Variants in CADPS2 observed in about 807,000 individuals in gnomAD.
CADPS2 encodes calcium-dependent secretion activator 2.
CADPS2 carries 93 observed loss-of-function variants against 172.5 expected under a neutral mutation model. The ratio of observed to expected loss-of-function variants is 0.54; its 90% CI spans 0.46 to 0.64. The LOEUF is 0.64. CADPS2 is among the 30% of genes least tolerant of loss of function. CADPS2 has a pLI of 0.00. For synonymous variants in CADPS2, 546 were observed against 555.2 expected, an observed-to-expected ratio of 0.98 and a Z score of 0.23; for missense variants, 1,420 against 1,565.9, an observed-to-expected ratio of 0.91 and a Z score of 1.57.
chr7:122,742,549 G>C (rs936087982), intron 1 of CADPS2, among the ~76,000 whole-genome samples: 4 of 152,098 alleles, frequency 2.6e-5, no homozygotes, highest in African/African-American at 9.7e-5. Flanking sequence ...TCTTAGGATA[G>C]TGTGGCCAAC....
At chr7:122,753,971 CCTT>C (rs770071190) in intron 1 of CADPS2, among the ~76,000 whole-genome samples, 1 of 152,046 alleles carries the variant, frequency 6.6e-6, no homozygotes, top group Non-Finnish European at 1.5e-5. Flanking sequence ...CCTCCATAAA[CCTT>C]CTTAATTTTC....
intron 9 of CADPS2, among the ~76,000 whole-genome samples, 178 bp from the exon 10 acceptor site, chr7:122,491,598 C>T (rs536720828): frequency 2.0e-5 from 3 of 152,038 alleles, no homozygotes; most frequent in Non-Finnish European, 4.4e-5. Context: ...TTTCGTTTGT[C>T]AGCTTGCATT....
chr7:122,774,803 T>C (rs896141563), intron 1 of CADPS2, among the ~76,000 whole-genome samples: 1 of 152,170 alleles, frequency 6.6e-6, no homozygotes, highest in Non-Finnish European at 1.5e-5. Flanking sequence ...AGGCCTACAA[T>C]ATATATTTAA....
intron 1 of CADPS2, among the ~76,000 whole-genome samples, chr7:122,788,941 C>T (rs1242062973): frequency 6.6e-6 from 1 of 152,128 alleles, no homozygotes; most frequent in Non-Finnish European, 1.5e-5. Context: ...CTTTTACTAA[C>T]CCTTGATTTC....
At chr7:122,809,955 T>C in intron 1 of CADPS2, among the ~76,000 whole-genome samples, 1 of 152,172 alleles carries the variant, frequency 6.6e-6, no homozygotes, top group Non-Finnish European at 1.5e-5. Flanking sequence ...TACACACATA[T>C]ACACATATGC....
At chr7:122,509,314 G>A (rs1358716309) in intron 9 of CADPS2, among the ~76,000 whole-genome samples, 2 of 152,128 alleles carry the variant, frequency 1.3e-5, no homozygotes, top group African/African-American at 4.8e-5. Flanking sequence ...CTGTGGCATG[G>A]CTGACTGTTT....
intron 21 of CADPS2, 54 bp downstream of exon 21, chr7:122,393,387 T>C (rs2044646497): frequency 1.9e-6 from 3 of 1,613,146 alleles, no homozygotes; most frequent in Non-Finnish European, 1.7e-6. Flanking sequence ...TGTGAAGTCA[T>C]AAGGTCAGGG....
At chr7:122,798,210 G>A (rs1004512838) in intron 1 of CADPS2, among the ~76,000 whole-genome samples, 1 of 151,992 alleles carries the variant, frequency 6.6e-6, no homozygotes, top group Non-Finnish European at 1.5e-5. Flanking sequence ...GAAAAAACAA[G>A]AGAGGAAAAG....
intron 2 of CADPS2, among the ~76,000 whole-genome samples, chr7:122,722,232 G>A (rs911648668): frequency 2.1e-4 from 32 of 152,106 alleles, no homozygotes; most frequent in African/African-American, 7.5e-4. Flanking sequence ...TATTCAATTA[G>A]GAAAAGAGGA....
intron 4 of CADPS2, among the ~76,000 whole-genome samples, chr7:122,627,630 TCCCATAA>T (rs1587948850): frequency 6.6e-6 from 1 of 152,142 alleles, no homozygotes; most frequent in East Asian, 1.9e-4. Context: ...CTTCTTCCAG[TCCCATAA>T]CTCTCTAGAA....
chr7:122,637,810 C>T (rs1175625055), intron 3 of CADPS2, among the ~76,000 whole-genome samples: 1 of 152,210 alleles, frequency 6.6e-6, no homozygotes. Flanking sequence ...TTAACTGTGA[C>T]ATAAGTTGAG....
intron 12 of CADPS2, among the ~76,000 whole-genome samples, chr7:122,476,596 TACAA>T (rs2056645721): frequency 6.6e-6 from 1 of 152,128 alleles, no homozygotes; most frequent in Admixed American, 6.6e-5. Context: ...AAAATTACTT[TACAA>T]ACAATTACCA....
chr7:122,804,497 C>T (rs1038329235), intron 1 of CADPS2, among the ~76,000 whole-genome samples: 2 of 152,094 alleles, frequency 1.3e-5, no homozygotes, highest in African/African-American at 2.4e-5. Flanking sequence ...GACAGAAGAT[C>T]ATTTAATTTA....
chr7:122,508,283 G>C (rs2059755948), intron 9 of CADPS2, among the ~76,000 whole-genome samples: 1 of 151,420 alleles, frequency 6.6e-6, no homozygotes, highest in African/African-American at 2.4e-5. Context: ...TAATATACAA[G>C]AATTATACAT....
chr7:122,643,254 T>C (rs1187534821), intron 3 of CADPS2, among the ~76,000 whole-genome samples: 2 of 152,196 alleles, frequency 1.3e-5, no homozygotes, highest in African/African-American at 2.4e-5. Context: ...TTATTAAGTA[T>C]TAGCAAATTA....
chr7:122,720,655 G>A (rs1396730069), intron 2 of CADPS2, among the ~76,000 whole-genome samples: 1 of 151,562 alleles, frequency 6.6e-6, no homozygotes, highest in Non-Finnish European at 1.5e-5. Flanking sequence ...GAGCGAGAGT[G>A]AGAGCCCGTG....
At chr7:122,665,180 G>T (rs143905258) in intron 2 of CADPS2, among the ~76,000 whole-genome samples, 1 of 151,998 alleles carries the variant, frequency 6.6e-6, no homozygotes, top group Non-Finnish European at 1.5e-5. Context: ...ACACTTCCAC[G>T]CCTGTCTGCA....
rs140125205 is a variant in CADPS2, at chr7:122,423,460, G to C, written c.2477-7296C>G. ...GTAAGAAGACTGCCTCAAAATCTGG[G>C]GGTGAGGTGGTTCCCAAAAGCCAAC... is the stretch of plus-strand genomic sequence containing the variant. On this transcript the variant is annotated intron_variant, in intron 17 of 29. Coordinates refer to ENST00000449022, the MANE Select transcript of CADPS2 (RefSeq NM_017954.11). 2.4e-3 allele frequency among the ~76,000 whole-genome samples: 363 copies of C among 152,258 alleles called. 2 individuals carry two copies. Among genetic ancestry groups the C allele is most frequent in the African/African-American group, 8.4e-3 (347 of 41,530 alleles).
chr7:122,851,924 G>T (rs73224235), intron 1 of CADPS2, among the ~76,000 whole-genome samples: 1 of 152,194 alleles, frequency 6.6e-6, no homozygotes, highest in Non-Finnish European at 1.5e-5. Context: ...ACTATTTAAA[G>T]CATCTTTCAT....
Sources: gnomAD v4.1 joint callset for allele counts (sites outside exome capture counted in the v4.1 genomes callset) on GRCh38, gnomAD v4.1.1 for gene constraint, MANE v1.5 for transcripts, NCBI Gene and HGNC (gene_info 2026-07-23, HGNC 2026-07-21) for gene names.